Variants in VPS41 observed in about 807,000 individuals in gnomAD.
VPS41 encodes the protein VPS41 subunit of HOPS complex, also known as vacuolar protein sorting-associated protein 41 homolog.
A neutral mutation model predicts 130.9 loss-of-function variants in VPS41; 85 were observed. The observed-to-expected ratio is 0.65, with a 90% CI of 0.55 to 0.78. The LOEUF is 0.78. Among genes scored for constraint, VPS41 ranks in the 30% least tolerant of loss-of-function variants. VPS41 has a pLI of 0.00. For missense variants in VPS41, 874 were observed against 1,018.7 expected (o/e 0.86, Z 1.93); for synonymous variants, 335 against 332.9 (o/e 1.01, Z -0.07).
intron 1 of VPS41, among the ~76,000 whole-genome samples, chr7:38,905,658 G>A (rs1027226650): frequency 1.3e-5 from 2 of 152,154 alleles, no homozygotes; most frequent in Non-Finnish European, 1.5e-5. Flanking sequence ...ATAATGTGGA[G>A]ACATTTAGTT....
chr7:38,812,224 T>C (rs1784958933), intron 7 of VPS41, among the ~76,000 whole-genome samples: 1 of 152,052 alleles, frequency 6.6e-6, no homozygotes. Context: ...ATTGGTAGAA[T>C]TCAGAATCCA....
At chr7:38,801,953 C>G (rs1268913889) in intron 7 of VPS41, among the ~76,000 whole-genome samples, 1 of 152,164 alleles carries the variant, frequency 6.6e-6, no homozygotes, top group Admixed American at 6.5e-5. Context: ...ATGGAATCTA[C>G]TCCAATCTCA....
chr7:38,829,822 T>C (rs1213057143), intron 5 of VPS41, among the ~76,000 whole-genome samples: 1 of 152,252 alleles, frequency 6.6e-6, no homozygotes, highest in Non-Finnish European at 1.5e-5. Context: ...CAAAAGATTC[T>C]ATAATTCAAG....
intron 1 of VPS41, among the ~76,000 whole-genome samples, chr7:38,899,181 T>C (rs929294181): frequency 1.3e-5 from 2 of 152,198 alleles, no homozygotes; most frequent in Non-Finnish European, 2.9e-5. Context: ...ACACAGTCCT[T>C]GCCTTCAAAG....
At chr7:38,854,902 C>T (rs542295610) in intron 4 of VPS41, among the ~76,000 whole-genome samples, 2 of 149,508 alleles carry the variant, frequency 1.3e-5, no homozygotes, top group African/African-American at 4.9e-5. Flanking sequence ...GATGGTTAAG[C>T]CATGTAAAGG....
chr7:38,795,667 C>T (rs1784605135), intron 8 of VPS41, 56 bp from the exon 9 acceptor site: 1 of 1,497,690 alleles, frequency 6.7e-7, no homozygotes, highest in Non-Finnish European at 9.1e-7. Flanking sequence ...TAACAGAAAA[C>T]TTATTAACAG....
intron 25 of VPS41, among the ~76,000 whole-genome samples, chr7:38,731,318 T>C (rs564067001): frequency 2.6e-5 from 4 of 152,310 alleles, no homozygotes; most frequent in Non-Finnish European, 2.9e-5. Flanking sequence ...ACATCAGACA[T>C]AGGACAAGGC....
chr7:38,807,545 C>G (rs927687312), intron 7 of VPS41, among the ~76,000 whole-genome samples: 9 of 152,156 alleles, frequency 5.9e-5, no homozygotes, highest in African/African-American at 2.2e-4. Context: ...TAACTATATT[C>G]TACCTACACC....
chr7:38,805,362 G>A (rs921677762), intron 7 of VPS41, among the ~76,000 whole-genome samples: 2 of 151,936 alleles, frequency 1.3e-5, no homozygotes, highest in African/African-American at 2.4e-5. Flanking sequence ...GTGAAGCTCC[G>A]TCTCTACTAA....
In VPS41 at chr7:38,789,788, G is replaced by A. The variant is rs769965078; in HGVS notation, c.784+13C>T. On this transcript the variant is annotated intron_variant, in intron 10 of 28. Transcript: ENST00000310301. ...AGTTTTACATCCACAGAAGGCAAGT[G>A]TTGGAGCCATACCTATTTCAACATA... is the stretch of plus-strand genomic sequence containing the variant. 6 of 1,613,262 alleles carry A rather than the reference G, an allele frequency of 3.7e-6. No individual in the cohort carries two copies. In the South Asian group the frequency reaches 4.4e-5, roughly 12 times the overall value.
intron 25 of VPS41, among the ~76,000 whole-genome samples, chr7:38,736,973 G>A (rs1200565354): frequency 5.3e-5 from 8 of 152,174 alleles, no homozygotes. Flanking sequence ...TTTTCAATAT[G>A]CAGAGATTCC....
intron 2 of VPS41, among the ~76,000 whole-genome samples, chr7:38,877,166 C>G (rs1195192448): frequency 6.6e-6 from 1 of 152,018 alleles, no homozygotes; most frequent in Non-Finnish European, 1.5e-5. Context: ...CTAATAAAGA[C>G]CAGTGAAAAC....
At chr7:38,785,927 A>C (rs554561215) in intron 10 of VPS41, among the ~76,000 whole-genome samples, 19 of 152,356 alleles carry the variant, frequency 1.2e-4, no homozygotes, top group Admixed American at 1.2e-3. Context: ...TATAATTTCT[A>C]AGTCTCCAAA....
At chr7:38,795,708 G>A (rs191178776) in intron 8 of VPS41, 97 bp from the exon 9 acceptor site, 181 of 1,115,642 alleles carry the variant, frequency 1.6e-4, no homozygotes, top group East Asian at 1.1e-3. Context: ...TAACCAGCAC[G>A]GAGAAATATT....
intron 4 of VPS41, among the ~76,000 whole-genome samples, chr7:38,831,607 T>C (rs1330626958): frequency 6.6e-6 from 1 of 152,382 alleles, no homozygotes; most frequent in Admixed American, 6.5e-5. Context: ...ATGTAATTTG[T>C]TCTTGGACTC....
At position 38,744,776 on chromosome 7, in the gene VPS41, G is replaced by GAGCACCCATGAATCTGCATACAC. The variant is rs1443781385; in HGVS notation, c.1981+760_1981+782dup. Among the ~76,000 whole-genome samples the GAGCACCCATGAATCTGCATACAC allele has an allele frequency of 5.3e-5, 8 of 152,270 alleles. No homozygotes were observed. The East Asian group carries it at 1.4e-3, about 26-fold the overall frequency. On this transcript the variant is annotated intron_variant, in intron 23 of 28. Transcript: ENST00000310301. Reference sequence around the variant, plus strand: ...ACTGGACAGTTCTGGGTTTGTGGCTGAGCACCCATGAATCTGCATACACAT... The same window carrying GAGCACCCATGAATCTGCATACAC: ...ACTGGACAGTTCTGGGTTTGTGGCTGAGCACCCATGAATCTGCATACACAGCACCCATGAATCTGCATACACAT...
rs756863537 is a variant in VPS41, at chr7:38,754,767, A to C, written c.1738-15T>G. ...ACCTTTTTAATCTAGATAAAAAAGA[A>C]AAGTTTCAAGGTGGAGTCATGAGGA... On this transcript the variant is annotated splice_polypyrimidine_tract_variant and intron_variant, in intron 20 of 28. Transcript: ENST00000310301. 2 of 1,611,412 alleles carry C rather than the reference A, an allele frequency of 1.2e-6. No individual in the cohort carries two copies. The highest frequency in any genetic ancestry group is 2.2e-5 in the South Asian group (2 of 90,938).
chr7:38,752,378 G>A, intron 21 of VPS41, 65 bp from the exon 22 acceptor site: 36 of 1,589,892 alleles, frequency 2.3e-5, no homozygotes, highest in Non-Finnish European at 2.5e-5. Context: ...GGCTAACATT[G>A]CTATTTTTAG....
At chr7:38,810,244 C>A (rs780440094) in intron 7 of VPS41, among the ~76,000 whole-genome samples, 1 of 152,016 alleles carries the variant, frequency 6.6e-6, no homozygotes, top group Non-Finnish European at 1.5e-5. Flanking sequence ...AAAGTTTATG[C>A]CAGACAGAAC....
Sources: allele counts gnomAD v4.1 joint callset (sites outside exome capture counted in the v4.1 genomes callset), GRCh38; gene constraint gnomAD v4.1.1; transcripts MANE v1.5; gene names NCBI Gene and HGNC (gene_info 2026-07-23, HGNC 2026-07-21).